Variants in MAPK8IP3 observed in about 807,000 individuals in gnomAD.
The protein encoded by MAPK8IP3 is C-Jun-amino-terminal kinase-interacting protein 3.
MAPK8IP3 carries 49 observed loss-of-function variants against 157.8 expected under a neutral mutation model. That is an observed-to-expected ratio of 0.31 (90% CI 0.25 to 0.39). MAPK8IP3 has a LOEUF of 0.39. Among genes scored for constraint, MAPK8IP3 ranks in the 10% least tolerant of loss-of-function variants. The pLI is 1.00. For synonymous variants in MAPK8IP3, 897 were observed against 777.7 expected (o/e 1.15, Z -2.55); for missense variants, 1,478 against 1,889.4 (o/e 0.78, Z 4.04).
rs751603722 is a variant in MAPK8IP3, at chr16:1,764,472, G to A, written c.2280+13G>A. 6.8e-6 allele frequency: 11 copies of A among 1,606,038 alleles called. No individual in the cohort carries two copies. The highest frequency in any genetic ancestry group is 6.8e-6 in the Non-Finnish European group (8 of 1,177,820). On this transcript the variant is annotated intron_variant, in intron 19 of 31. Transcript: ENST00000610761. The stretch of plus-strand genomic sequence containing the variant: ...CGAGAAGAAGAAGGTGAGCATGGCC[G>A]AGGCCACCGGGCACCCTCCCTGGCT...
At chr16:1,728,006 C>T (rs1357023913) in intron 2 of MAPK8IP3, among the ~76,000 whole-genome samples, 1 of 152,256 alleles carries the variant, frequency 6.6e-6, no homozygotes, top group Non-Finnish European at 1.5e-5. Context: ...CACGCACTCC[C>T]TGGGGCTGTC....
intron 8 of MAPK8IP3, among the ~76,000 whole-genome samples, chr16:1,756,284 A>G (rs1364768452): frequency 1.3e-5 from 2 of 152,242 alleles, no homozygotes; most frequent in African/African-American, 4.8e-5. Context: ...CTGCCAAGGC[A>G]GGTGGATCAT....
chr16:1,769,004 G>A lies in MAPK8IP3; in HGVS notation c.*180G>A, dbSNP rs1567218218. 2 of 686,394 alleles carry A rather than the reference G, an allele frequency of 2.9e-6. No individual in the cohort carries two copies. Among genetic ancestry groups the A allele is most frequent in the Non-Finnish European group, 2.4e-6 (1 of 414,094 alleles). The allele number at this position is 686,394 out of a possible 1,614,324, so 42.5% of individuals were successfully genotyped here. A position where few individuals can be genotyped will look rare whatever the true frequency, so the allele number is the denominator to read the frequency against. ...GTGCGGGGATGCGGATCAGCTGGGA[G>A]GAGGAGGGGAGGGGAACTTCCACCC... On this transcript the variant is annotated 3_prime_UTR_variant, in exon 32 of 32. Transcript: ENST00000610761.
chr16:1,717,286 T>G (rs1412366546), intron 1 of MAPK8IP3, among the ~76,000 whole-genome samples: 1 of 151,080 alleles, frequency 6.6e-6, no homozygotes, highest in African/African-American at 2.4e-5. Context: ...AAGCAAATTC[T>G]GAAAACATAA....
In MAPK8IP3 at chr16:1,768,559, C is replaced by G. The variant is rs201401786; in HGVS notation, c.3825C>G (p.Val1275=). Residue 1275 remains valine (V), a synonymous_variant, in exon 31 of 32, where the codon GTC becomes GTG. Transcript: ENST00000610761. ...GGCCAGCTGCCCCTGCCTCGGAGGT[C>G]GAGGGCCAGAAGCTGCGGAACGTGC... ...GPGPAAPASE[V]EGQKLRNVLV... 8 of 1,574,450 alleles carry G rather than the reference C, an allele frequency of 5.1e-6. No homozygotes were observed. Among genetic ancestry groups the G allele is most frequent in the East Asian group, 2.3e-5 (1 of 42,810 alleles).
rs116718972 is a variant in MAPK8IP3 at position 1,727,213 on chromosome 16, C to T, written c.440-1925C>T. Among the ~76,000 whole-genome samples the T allele has an allele frequency of 2.9e-3, 421 of 145,500 alleles. 2 individuals are homozygous for T. The highest frequency in any genetic ancestry group is 4.4e-3 in the Non-Finnish European group (293 of 67,042). ...CGGCATCTGAGTTGTGTGCTGTGTG[C>T]GGCGTCTGAGTGACGTGTGCTATGT... On this transcript the variant is annotated intron_variant, in intron 2 of 31. Coordinates refer to ENST00000610761, the MANE Select transcript of MAPK8IP3 (RefSeq NM_001318852.2).
intron 9 of MAPK8IP3, 67 bp downstream of exon 9, chr16:1,758,226 C>T (rs1192294089): frequency 9.5e-6 from 15 of 1,581,898 alleles, no homozygotes; most frequent in South Asian, 2.2e-5. Context: ...ACGGGGGATG[C>T]CCCGAGCTAT....
Position 1,746,825 on chromosome 16 carries a change from A to G in MAPK8IP3, c.748-204A>G, listed in dbSNP as rs2040990820. 8.2e-6 allele frequency: 5 copies of G among 610,650 alleles called. No homozygotes were observed. In the East Asian group the frequency reaches 1.4e-4, roughly 17 times the overall value. 37.8% of individuals were successfully genotyped at this position (610,650 alleles called of 1,614,324 possible). A position where few individuals can be genotyped will look rare whatever the true frequency, so the allele number is the denominator to read the frequency against. ...GCCCTGCTTCCGAGGAGCCGGAGTC[A>G]GTGGCCGGATAAGCAGAGCCACTCG... On this transcript the variant is annotated intron_variant, in intron 5 of 31. Coordinates refer to ENST00000610761, the MANE Select transcript of MAPK8IP3 (RefSeq NM_001318852.2).
intron 3 of MAPK8IP3, 62 bp downstream of exon 3, chr16:1,729,270 G>A (rs1389946908): frequency 6.4e-7 from 1 of 1,558,286 alleles, no homozygotes; most frequent in East Asian, 2.2e-5. Context: ...CCTGACGCCT[G>A]CGACTCTTGC....
intron 1 of MAPK8IP3, among the ~76,000 whole-genome samples, chr16:1,709,715 C>T (rs1320875461): frequency 6.6e-6 from 1 of 152,250 alleles, no homozygotes; most frequent in Admixed American, 6.5e-5. Flanking sequence ...ACGCACCGTC[C>T]GGTGCAGCTC....
chr16:1,761,975 G>C (rs1026882830), intron 13 of MAPK8IP3, among the ~76,000 whole-genome samples: 2 of 152,274 alleles, frequency 1.3e-5, no homozygotes, highest in Non-Finnish European at 2.9e-5. Flanking sequence ...GCACGGGCAG[G>C]GGGCCCAGGC....
At chr16:1,716,554 C>G (rs2038163232) in intron 1 of MAPK8IP3, among the ~76,000 whole-genome samples, 1 of 152,004 alleles carries the variant, frequency 6.6e-6, no homozygotes, top group African/African-American at 2.4e-5. Context: ...CTCGGCCTCC[C>G]AAAATGCTGG....
At chr16:1,757,725 T>C (rs1235449016) in intron 8 of MAPK8IP3, among the ~76,000 whole-genome samples, 1 of 152,220 alleles carries the variant, frequency 6.6e-6, no homozygotes, top group Non-Finnish European at 1.5e-5. Context: ...GGCCTGCGTC[T>C]GCGGTGTCTC....
intron 1 of MAPK8IP3, among the ~76,000 whole-genome samples, chr16:1,715,841 T>A (rs1310354928): frequency 6.6e-6 from 1 of 151,904 alleles, no homozygotes; most frequent in African/African-American, 2.4e-5. Flanking sequence ...CGATTCTGCC[T>A]CAGCCTCCTG....
intron 11 of MAPK8IP3, 54 bp downstream of exon 11, chr16:1,760,069 G>A: frequency 6.2e-7 from 1 of 1,602,106 alleles, no homozygotes; most frequent in Admixed American, 1.7e-5. Context: ...CCTTGTCAGG[G>A]CTGGGAGAGT....
rs894455274 is a variant in MAPK8IP3 at position 1,726,344 on chromosome 16, T to A, written c.439+1667T>A. Among the ~76,000 whole-genome samples the A allele has an allele frequency of 3.9e-5, 6 of 152,326 alleles. No individual in the cohort carries two copies. In the South Asian group the frequency reaches 1.0e-3, roughly 26 times the overall value. ...AGTACATTTCATGTGTGAAACATTC[T>A]CAGCTCTCTTCTTAGAAGGAGAAAA... On this transcript the variant is annotated intron_variant, in intron 2 of 31. Transcript: ENST00000610761.
In MAPK8IP3 at chr16:1,706,271, T is replaced by C; in HGVS notation, c.-69T>C. 1.4e-6 allele frequency: 2 copies of C among 1,401,686 alleles called. No individual in the cohort carries two copies. The highest frequency in any genetic ancestry group is 1.9e-6 in the Non-Finnish European group (2 of 1,068,626). The allele number at this position is 1,401,686 out of a possible 1,614,324, so 86.8% of individuals were successfully genotyped here. A position where few individuals can be genotyped will look rare whatever the true frequency, so the allele number is the denominator to read the frequency against. On this transcript the variant is annotated 5_prime_UTR_variant, in exon 1 of 32. Coordinates refer to ENST00000610761, the MANE Select transcript of MAPK8IP3 (RefSeq NM_001318852.2). The surrounding 1 kb of genome is among the most constrained non-coding windows in gnomAD (Gnocchi z 5.1). ...GCGACGGGCTGCGGCCTGCGGAACCTGAGGCAGCTGGGGAGGGCCGGGCGC... is the reference window on the plus strand; with the variant it reads ...GCGACGGGCTGCGGCCTGCGGAACCCGAGGCAGCTGGGGAGGGCCGGGCGC...
chr16:1,706,596 A>T lies in MAPK8IP3; in HGVS notation c.257A>T (p.Asp86Val). The T allele has an allele frequency of 6.2e-7, 1 of 1,606,248 alleles. No homozygotes were observed. The highest frequency in any genetic ancestry group is 8.5e-7 in the Non-Finnish European group (1 of 1,176,566). The change falls in exon 1 of 32, where the codon GAC becomes GTC. Residue 86 changes from aspartate to valine, a missense_variant. This residue lies in a region of MAPK8IP3 where 65 missense variants were observed against 161.8 expected (regional missense o/e 0.40). Coordinates refer to ENST00000610761, the MANE Select transcript of MAPK8IP3 (RefSeq NM_001318852.2). The surrounding 1 kb of genome is among the most constrained non-coding windows in gnomAD (Gnocchi z 5.1). ...GTGGAGCTGGAGCTGCTGCGCGAGG[A>T]CAACGAGCAGCTGCTCACCCAGTAC... ...HEVELELLRE[D>V]NEQLLTQYER...
intron 4 of MAPK8IP3, among the ~76,000 whole-genome samples, chr16:1,737,453 T>C (rs1385131565): frequency 1.1e-5 from 1 of 88,194 alleles, no homozygotes. Context: ...TCCGTGTGAG[T>C]GTGACCACCC....
Sources: gnomAD v4.1 joint callset for allele counts (sites outside exome capture counted in the v4.1 genomes callset) on GRCh38, gnomAD v4.1.1 for gene constraint, gnomAD v4.1.1 regional missense constraint, Gnocchi (gnomAD v3.1) non-coding constraint, MANE v1.5 for transcripts, NCBI Gene and HGNC (gene_info 2026-07-23, HGNC 2026-07-21) for gene names.